MYO16: variants seen among roughly 807,000 people sequenced by gnomAD.
MYO16 encodes the protein myosin XVI, also known as unconventional myosin-XVI.
MYO16 carries 94 observed loss-of-function variants against 205.3 expected under a neutral mutation model. That is an observed-to-expected ratio of 0.46 (90% confidence interval 0.39 to 0.54). The LOEUF is 0.54. Among genes scored for constraint, MYO16 ranks in the 20% least tolerant of loss-of-function variants. The pLI is 0.00. For missense variants in MYO16, 2,315 were observed against 2,387.5 expected, an observed-to-expected ratio of 0.97 and a Z score of 0.63; for synonymous variants, 988 against 954.0, an observed-to-expected ratio of 1.04 and a Z score of -0.66.
intron 4 of MYO16, among the ~76,000 whole-genome samples, chr13:108,735,642 C>T (rs1350066215): frequency 6.6e-6 from 1 of 150,900 alleles, no homozygotes; most frequent in African/African-American, 2.4e-5. Context: ...ATTTATAGTC[C>T]TTTGGGTATA....
At chr13:108,581,808 C>T in the MYO16 span, among the ~76,000 whole-genome samples, 1 of 150,636 alleles carries the variant, frequency 6.6e-6, no homozygotes, top group African/African-American at 2.4e-5. Context: ...TCACTTGAAC[C>T]CAGGAGGTTG....
intron 27 of MYO16, among the ~76,000 whole-genome samples, chr13:109,068,095 C>T (rs941583109): frequency 6.6e-6 from 1 of 152,090 alleles, no homozygotes; most frequent in East Asian, 1.9e-4. Flanking sequence ...CTATTTGCAA[C>T]CCTAATTCAA....
the MYO16 span, among the ~76,000 whole-genome samples, chr13:108,564,107 C>T: frequency 0.82 from 124,020 of 151,584 alleles, 52,838 homozygotes; most frequent in East Asian, 0.98. Flanking sequence ...GTTGAGCAAT[C>T]TTTCATATGC....
intron 15 of MYO16, among the ~76,000 whole-genome samples, chr13:108,905,593 C>CCT (rs1880930223): frequency 6.6e-6 from 1 of 152,238 alleles, no homozygotes; most frequent in South Asian, 2.1e-4. Flanking sequence ...AAAATGATCT[C>CCT]CTCTTCTGGA....
chr13:108,605,501 C>T (rs1167591619), intron 1 of MYO16, among the ~76,000 whole-genome samples: 1 of 152,056 alleles, frequency 6.6e-6, no homozygotes, highest in East Asian at 1.9e-4. Flanking sequence ...GAGGGCGGTT[C>T]CCCCATGCTG....
At chr13:109,057,360 T>G (rs1043720417) in intron 27 of MYO16, among the ~76,000 whole-genome samples, 3 of 152,180 alleles carry the variant, frequency 2.0e-5, no homozygotes, top group African/African-American at 4.8e-5. Context: ...AATATGTATT[T>G]CAGATAGACA....
At chr13:109,041,140 A>G (rs1886871870) in intron 23 of MYO16, among the ~76,000 whole-genome samples, 1 of 152,340 alleles carries the variant, frequency 6.6e-6, no homozygotes, top group African/African-American at 2.4e-5. Context: ...TTAGGTGTAA[A>G]TCTAACAAAA....
chr13:108,914,216 TCTA>T (rs1397370242), intron 16 of MYO16, among the ~76,000 whole-genome samples: 2 of 148,990 alleles, frequency 1.3e-5, no homozygotes, highest in African/African-American at 4.9e-5. Context: ...AATTACTGTA[TCTA>T]CTATTGTTAA....
At chr13:109,116,802 G>T (rs1875712346) in intron 28 of MYO16, among the ~76,000 whole-genome samples, 1 of 152,252 alleles carries the variant, frequency 6.6e-6, no homozygotes, top group Admixed American at 6.5e-5. Flanking sequence ...AGATAATGGG[G>T]ATAATGGCTG....
intron 23 of MYO16, among the ~76,000 whole-genome samples, chr13:109,029,720 T>C (rs1174254153): frequency 6.6e-6 from 1 of 152,188 alleles, no homozygotes; most frequent in East Asian, 1.9e-4. Flanking sequence ...TGTTCACCTC[T>C]TGAGCAGGCG....
At chr13:108,759,516 A>G (rs1357600056) in intron 4 of MYO16, among the ~76,000 whole-genome samples, 1 of 152,200 alleles carries the variant, frequency 6.6e-6, no homozygotes, top group Non-Finnish European at 1.5e-5. Flanking sequence ...TGAGGTGAAC[A>G]AAGTATGATA....
At chr13:108,985,959 G>A (rs964400870) in intron 20 of MYO16, among the ~76,000 whole-genome samples, 1 of 152,150 alleles carries the variant, frequency 6.6e-6, no homozygotes, top group Admixed American at 6.5e-5. Flanking sequence ...AAGAAAAAGA[G>A]GTTTAATGGA....
chr13:108,501,172 T>A, the MYO16 span, among the ~76,000 whole-genome samples: 2 of 152,180 alleles, frequency 1.3e-5, no homozygotes, highest in African/African-American at 4.8e-5. Context: ...AACGCCGGAC[T>A]TTCCCTGGCA....
chr13:108,689,922 C>T (rs1425407185), intron 2 of MYO16, among the ~76,000 whole-genome samples: 1 of 152,176 alleles, frequency 6.6e-6, no homozygotes, highest in Non-Finnish European at 1.5e-5. Context: ...TAGCATGTCA[C>T]TTGCTTTTTG....
chr13:108,601,363 A>G (rs1425561554), intron 1 of MYO16, among the ~76,000 whole-genome samples: 1 of 152,126 alleles, frequency 6.6e-6, no homozygotes, highest in African/African-American at 2.4e-5. Context: ...TTCCATCCCA[A>G]TAGATATTTT....
At chr13:108,739,407 G>T (rs371741035) in intron 4 of MYO16, among the ~76,000 whole-genome samples, 2 of 152,080 alleles carry the variant, frequency 1.3e-5, no homozygotes, top group East Asian at 3.9e-4. Context: ...GCTTAGTTTG[G>T]CTGGATATGA....
At chr13:108,529,726 T>C in the MYO16 span, among the ~76,000 whole-genome samples, 1 of 152,220 alleles carries the variant, frequency 6.6e-6, no homozygotes, top group Non-Finnish European at 1.5e-5. Flanking sequence ...AGAGTGTTTC[T>C]TTAATTCATG....
Position 108,712,722 on chromosome 13 carries a change from G to A in MYO16, c.354G>A (p.Leu118=). The stretch of plus-strand genomic sequence containing the variant: ...CCCTCGTCTCCTCGGGAGGGTCCCT[G>A]CTCCATCTGGTAAGAACCGCGACAG... The part of the protein sequence containing the change: ...PHTLVSSGGS[L]LHLCARYDNA... Residue 118 remains leucine (L), a synonymous_variant, in exon 3 of 35, where the codon CTG becomes CTA. Coordinates refer to ENST00000457511, the MANE Select transcript of MYO16 (RefSeq NM_001198950.3). 6.2e-7 allele frequency: 1 copy of A among 1,613,208 alleles called. No homozygotes were observed. The highest frequency in any genetic ancestry group is 1.1e-5 in the South Asian group (1 of 90,922).
At chr13:108,522,706 C>T in the MYO16 span, among the ~76,000 whole-genome samples, 1 of 151,976 alleles carries the variant, frequency 6.6e-6, no homozygotes, top group Non-Finnish European at 1.5e-5. Context: ...TTTGGTGTTC[C>T]TCGGCTTGTA....
Sources: gnomAD v4.1 joint callset for allele counts (sites outside exome capture counted in the v4.1 genomes callset) on GRCh38, gnomAD v4.1.1 for gene constraint, MANE v1.5 for transcripts, NCBI Gene and HGNC (gene_info 2026-07-23, HGNC 2026-07-21) for gene names.